The following TARBP1 variants were observed in gnomAD, a reference collection of about 807,000 sequenced individuals.
TARBP1 encodes tRNA guanosine 2 -O-methyltransferase TARBP1, also known as tRNA (guanosine(18)-2'-O)-methyltransferase TARBP1.
In TARBP1, 144 loss-of-function variants were observed where a neutral mutation model predicts 178.6. The observed-to-expected ratio is 0.81, with a 90% CI of 0.70 to 0.93. The LOEUF (loss-of-function observed/expected upper bound fraction) is 0.93. Among genes scored for constraint, TARBP1 ranks in the 40% least tolerant of loss-of-function variants. The probability of loss-of-function intolerance (pLI) is 0.00; values close to 1 mark genes in which losing one functional copy is unlikely to be tolerated. For missense variants in TARBP1, 2,067 were observed against 2,011.7 expected, an observed-to-expected ratio of 1.03 and a Z score of -0.53; for synonymous variants, 787 against 781.0, an observed-to-expected ratio of 1.01 and a Z score of -0.13.
intron 12 of TARBP1, among the ~76,000 whole-genome samples, chr1:234,445,455 T>G (rs1666054823): frequency 6.6e-6 from 1 of 152,080 alleles, no homozygotes; most frequent in Non-Finnish European, 1.5e-5. Context: ...TTATTACAAA[T>G]AGTAATAATA....
At chr1:234,410,365 G>T in intron 23 of TARBP1, 80 bp downstream of exon 23, 2 of 818,324 alleles carry the variant, frequency 2.4e-6, no homozygotes, top group South Asian at 1.7e-5. Context: ...TCACAGGAAT[G>T]CTCTACATAT....
intron 13 of TARBP1, among the ~76,000 whole-genome samples, chr1:234,433,911 T>C (rs2103146459): frequency 6.6e-6 from 1 of 152,346 alleles, no homozygotes; most frequent in South Asian, 2.1e-4. Flanking sequence ...ATAATGATAA[T>C]GGTTATAGCA....
At chr1:234,450,742 CTA>C (rs1296294176) in intron 9 of TARBP1, among the ~76,000 whole-genome samples, 176 bp from the exon 10 acceptor site, 6 of 151,604 alleles carry the variant, frequency 4.0e-5, no homozygotes, top group African/African-American at 9.7e-5. Context: ...AACAAAAAAA[CTA>C]TGTGTATATA....
chr1:234,459,912 A>T (rs985403286), intron 7 of TARBP1, among the ~76,000 whole-genome samples: 10 of 151,706 alleles, frequency 6.6e-5, no homozygotes, highest in Non-Finnish European at 1.3e-4. Flanking sequence ...TTTACCAAAT[A>T]TTTTTTAAAT....
chr1:234,472,649 G>T, intron 2 of TARBP1, 65 bp downstream of exon 2: 1 of 1,071,064 alleles, frequency 9.3e-7, no homozygotes, highest in Non-Finnish European at 1.4e-6. Context: ...CGCTTTTAAT[G>T]AATGTTTTTA....
At chr1:234,395,866 G>T (rs777242430) in intron 26 of TARBP1, among the ~76,000 whole-genome samples, 4 of 152,136 alleles carry the variant, frequency 2.6e-5, no homozygotes, top group Non-Finnish European at 4.4e-5. Flanking sequence ...ACAGTAAGAT[G>T]ACTATAGGTA....
intron 17 of TARBP1, among the ~76,000 whole-genome samples, chr1:234,428,914 T>C (rs1664083644): frequency 6.6e-6 from 1 of 152,178 alleles, no homozygotes; most frequent in South Asian, 2.1e-4. Context: ...AAACAAACCG[T>C]TTCTGAGGCA....
intron 1 of TARBP1, 45 bp from the exon 2 acceptor site, chr1:234,472,856 T>C (rs758662482): frequency 3.5e-6 from 5 of 1,411,114 alleles, no homozygotes; most frequent in Non-Finnish European, 4.9e-6. Flanking sequence ...TTTTGCAAAT[T>C]TCATAAGTTT....
Position 234,405,689 on chromosome 1 carries a change from G to A in TARBP1, c.3989+214C>T, listed in dbSNP as rs546002901. On this transcript the variant is annotated intron_variant, in intron 24 of 29. Coordinates refer to ENST00000040877, the MANE Select transcript of TARBP1 (RefSeq NM_005646.4). ...TACAATAAAGGATTGAGGATAAAAG[G>A]GCAATAAGAGGTCAAGGTGGAGCTG... 3.9e-5 allele frequency among the ~76,000 whole-genome samples: 6 copies of A among 152,212 alleles called. No homozygotes were observed. The East Asian group carries it at 1.2e-3, about 29-fold the overall frequency.
rs1324803682 is a variant in TARBP1, at chr1:234,422,825, A to G, written c.3445-2013T>C. The stretch of plus-strand genomic sequence containing the variant: ...TGTAATTATTACACATTGTATGCCT[A>G]TATCAAAATATCTCATACACCCCAT... On this transcript the variant is annotated intron_variant, in intron 20 of 29. Transcript: ENST00000040877. Among the ~76,000 whole-genome samples, 4 of 152,342 alleles carry G rather than the reference A, an allele frequency of 2.6e-5. No homozygotes were observed. The East Asian group carries it at 7.7e-4, about 29-fold the overall frequency.
chr1:234,439,419 T>C (rs1287028369), intron 12 of TARBP1, among the ~76,000 whole-genome samples: 1 of 152,148 alleles, frequency 6.6e-6, no homozygotes, highest in Non-Finnish European at 1.5e-5. Context: ...AAAGAGACTG[T>C]ACAAAGTATA....
At chr1:234,454,523 G>A (rs374813098) in intron 9 of TARBP1, among the ~76,000 whole-genome samples, 1 of 152,148 alleles carries the variant, frequency 6.6e-6, no homozygotes, top group African/African-American at 2.4e-5. Context: ...AATGGTAGAT[G>A]ATGGGTGATG....
At chr1:234,427,278 C>T in intron 19 of TARBP1, 39 bp downstream of exon 19, 1 of 1,435,798 alleles carries the variant, frequency 7.0e-7, no homozygotes. Context: ...TTTTTAGTAT[C>T]TCATTTATGT....
chr1:234,461,940 C>A (rs150452221), intron 6 of TARBP1, among the ~76,000 whole-genome samples: 1 of 152,150 alleles, frequency 6.6e-6, no homozygotes, highest in South Asian at 2.1e-4. Flanking sequence ...AAGGATATTA[C>A]GCGGACTTTG....
chr1:234,465,228 A>C (rs1668316913), intron 5 of TARBP1, among the ~76,000 whole-genome samples: 1 of 152,214 alleles, frequency 6.6e-6, no homozygotes, highest in Non-Finnish European at 1.5e-5. Flanking sequence ...ACATTCAGGG[A>C]ATATGGGTGA....
In TARBP1 at chr1:234,462,483, C is replaced by G. The variant is rs150764726; in HGVS notation, c.1399+1354G>C. On this transcript the variant is annotated intron_variant, in intron 6 of 29. Coordinates refer to ENST00000040877, the MANE Select transcript of TARBP1 (RefSeq NM_005646.4). ...AGGTGGGCAGATCACGAGGTCAAAA[C>G]ATCGAGACCATACTGGCCAACACGG... 3.3e-3 allele frequency among the ~76,000 whole-genome samples: 508 copies of G among 152,172 alleles called. 4 individuals are homozygous for G. The highest frequency in any genetic ancestry group is 0.012 in the African/African-American group (492 of 41,518).
At chr1:234,406,148 T>C (rs1661218096) in intron 23 of TARBP1, 49 bp from the exon 24 acceptor site, 1 of 1,551,454 alleles carries the variant, frequency 6.4e-7, no homozygotes, top group South Asian at 1.1e-5. Flanking sequence ...TGGACCATTT[T>C]ACTCTCACTT....
At chr1:234,444,121 G>C (rs905796693) in intron 12 of TARBP1, among the ~76,000 whole-genome samples, 6 of 152,222 alleles carry the variant, frequency 3.9e-5, no homozygotes, top group Non-Finnish European at 7.3e-5. Context: ...TTTACTTTAT[G>C]TATAAAACTA....
intron 6 of TARBP1, among the ~76,000 whole-genome samples, 189 bp downstream of exon 6, chr1:234,463,648 T>C (rs1055591660): frequency 6.6e-5 from 10 of 152,198 alleles, no homozygotes; most frequent in Admixed American, 1.3e-4. Flanking sequence ...TAGTATGTCA[T>C]ACACAATGAC....
Sources: allele counts gnomAD v4.1 joint callset (sites outside exome capture counted in the v4.1 genomes callset), GRCh38; gene constraint gnomAD v4.1.1; transcripts MANE v1.5; gene names NCBI Gene and HGNC (gene_info 2026-07-23, HGNC 2026-07-21).